DIP2B: variants seen among roughly 807,000 people sequenced by gnomAD.
The protein encoded by DIP2B is disco-interacting protein 2 homolog B.
DIP2B carries 76 observed loss-of-function variants against 198.0 expected under a neutral mutation model. The observed-to-expected ratio is 0.38, with a 90% CI of 0.32 to 0.46. DIP2B has a LOEUF of 0.46. Ranked by LOEUF, DIP2B falls within the 20% of genes least tolerant of loss-of-function variation. The pLI is 0.99. For missense variants in DIP2B, 1,559 were observed against 1,978.4 expected, an observed-to-expected ratio of 0.79 and a Z score of 4.02; for synonymous variants, 701 against 739.1, an observed-to-expected ratio of 0.95 and a Z score of 0.84.
chr12:50,656,072 G>A (rs1190784107), intron 3 of DIP2B, among the ~76,000 whole-genome samples: 1 of 152,186 alleles, frequency 6.6e-6, no homozygotes, highest in Non-Finnish European at 1.5e-5. Context: ...CATCCTATTA[G>A]AGAAGGGAAT....
intron 35 of DIP2B, 39 bp from the exon 36 acceptor site, chr12:50,739,370 T>C (rs1940198067): frequency 6.3e-7 from 1 of 1,585,492 alleles, no homozygotes; most frequent in Non-Finnish European, 8.6e-7. Context: ...TACAGTTGTG[T>C]GTCCCCAGTG....
intron 26 of DIP2B, among the ~76,000 whole-genome samples, chr12:50,721,597 A>G (rs1030061781): frequency 6.6e-6 from 1 of 152,158 alleles, no homozygotes; most frequent in Non-Finnish European, 1.5e-5. Flanking sequence ...TCCTGGGACC[A>G]TGTCTGTTTT....
intron 1 of DIP2B, among the ~76,000 whole-genome samples, chr12:50,604,107 T>C (rs1958961506): frequency 6.8e-6 from 1 of 147,004 alleles, no homozygotes. Context: ...AACACTGTGC[T>C]ATATACAGAA....
intron 1 of DIP2B, among the ~76,000 whole-genome samples, chr12:50,566,940 C>G (rs12827022): frequency 0.27 from 40,066 of 147,476 alleles, 5,726 homozygotes; most frequent in East Asian, 0.39. Context: ...CCACTGCACT[C>G]CAGCCTGGGT....
intron 3 of DIP2B, 59 bp from the exon 4 acceptor site, chr12:50,660,135 A>C: frequency 6.9e-7 from 1 of 1,454,750 alleles, no homozygotes; most frequent in Non-Finnish European, 9.1e-7. Flanking sequence ...AGTTCAGCTC[A>C]CAGTGGTAAA....
At chr12:50,634,826 G>A (rs1423633872) in intron 2 of DIP2B, among the ~76,000 whole-genome samples, 1 of 152,006 alleles carries the variant, frequency 6.6e-6, no homozygotes, top group Non-Finnish European at 1.5e-5. Flanking sequence ...ATAAATGTTT[G>A]CACAACTAAA....
At chr12:50,575,115 C>T (rs578210900) in intron 1 of DIP2B, among the ~76,000 whole-genome samples, 5 of 152,178 alleles carry the variant, frequency 3.3e-5, no homozygotes, top group Admixed American at 2.6e-4. Context: ...TCGACATTCT[C>T]CCCTTGGACA....
chr12:50,664,258 A>G (rs1938706722), intron 4 of DIP2B, among the ~76,000 whole-genome samples: 1 of 152,218 alleles, frequency 6.6e-6, no homozygotes, highest in Admixed American at 6.5e-5. Flanking sequence ...AGTCTGGAAA[A>G]TATGGTAAAT....
In DIP2B at chr12:50,515,766, A is replaced by G. The variant is rs535883529; in HGVS notation, c.100+10526A>G. ...GTCATGGCTGTGCACGTGGTTCCCT[A>G]GTCTGTATCTGTAGCCCTGACTTGC... On this transcript the variant is annotated intron_variant, in intron 1 of 37. Transcript: ENST00000301180. Among the ~76,000 whole-genome samples, 232 of 152,204 alleles carry G rather than the reference A, an allele frequency of 1.5e-3. 7 individuals carry two copies. The South Asian group carries it at 0.047, about 31-fold the overall frequency.
At chr12:50,686,078 T>A in intron 11 of DIP2B, 122 bp downstream of exon 11, 1 of 1,050,420 alleles carries the variant, frequency 9.5e-7, no homozygotes, top group Non-Finnish European at 1.3e-6. Flanking sequence ...CATAGTCTTA[T>A]GAAGTAGGTA....
intron 1 of DIP2B, among the ~76,000 whole-genome samples, chr12:50,578,961 T>TA (rs1370440794): frequency 6.6e-6 from 1 of 152,142 alleles, no homozygotes; most frequent in Non-Finnish European, 1.5e-5. Flanking sequence ...CAATGGTGAG[T>TA]AAAATTGCTG....
intron 1 of DIP2B, among the ~76,000 whole-genome samples, chr12:50,599,875 T>G (rs1695453005): frequency 6.6e-6 from 1 of 152,244 alleles, no homozygotes; most frequent in African/African-American, 2.4e-5. Flanking sequence ...TTTTTGAGAT[T>G]ATGATCTTTT....
intron 5 of DIP2B, among the ~76,000 whole-genome samples, chr12:50,673,910 A>G (rs1041291594): frequency 4.6e-5 from 7 of 152,186 alleles, no homozygotes; most frequent in African/African-American, 7.2e-5. Context: ...GTATGATCCA[A>G]ATTACCTATG....
intron 1 of DIP2B, among the ~76,000 whole-genome samples, chr12:50,582,095 A>G (rs1958729235): frequency 6.8e-6 from 1 of 147,556 alleles, no homozygotes; most frequent in African/African-American, 2.5e-5. Context: ...AACTTTTTAG[A>G]TGAAGTGAAT....
chr12:50,567,461 G>A (rs1958575891), intron 1 of DIP2B, among the ~76,000 whole-genome samples: 1 of 152,126 alleles, frequency 6.6e-6, no homozygotes, highest in South Asian at 2.1e-4. Flanking sequence ...TTTCTCTGCT[G>A]AAAACATCTG....
intron 28 of DIP2B, among the ~76,000 whole-genome samples, chr12:50,726,288 G>C (rs1939932344): frequency 6.6e-6 from 1 of 152,200 alleles, no homozygotes; most frequent in African/African-American, 2.4e-5. Context: ...TACTTATAAA[G>C]CACATGGGGG....
intron 22 of DIP2B, 59 bp from the exon 23 acceptor site, chr12:50,714,336 G>A (rs572262945): frequency 2.5e-6 from 4 of 1,593,434 alleles, no homozygotes; most frequent in Admixed American, 1.7e-5. Context: ...ATTATACCAG[G>A]AATATGTCAA....
At position 50,559,379 on chromosome 12, in the gene DIP2B, G is replaced by A. The variant is rs190563908; in HGVS notation, c.100+54139G>A. Among the ~76,000 whole-genome samples the A allele has an allele frequency of 2.7e-5, 4 of 147,270 alleles. No homozygotes were observed. The East Asian group carries it at 8.1e-4, about 30-fold the overall frequency. ...ATGACGTTTAAAAGATTCAAGGGTA[G>A]ATATTTTCTTTGGTATTATACCAAT... On this transcript the variant is annotated intron_variant, in intron 1 of 37. Transcript: ENST00000301180.
At chr12:50,601,244 G>A (rs1958933198) in intron 1 of DIP2B, among the ~76,000 whole-genome samples, 1 of 152,108 alleles carries the variant, frequency 6.6e-6, no homozygotes, top group African/African-American at 2.4e-5. Context: ...GTAGTAATGT[G>A]TGTTTATGTG....
Sources: gnomAD v4.1 joint callset for allele counts (sites outside exome capture counted in the v4.1 genomes callset) on GRCh38, gnomAD v4.1.1 for gene constraint, MANE v1.5 for transcripts, NCBI Gene and HGNC (gene_info 2026-07-23, HGNC 2026-07-21) for gene names.